PSMG2: variants seen among roughly 807,000 people sequenced by gnomAD.
PSMG2 encodes the protein CD40 ligand-activated specific transcript 3.
In PSMG2, 21 loss-of-function variants were observed where a neutral mutation model predicts 31.5. The ratio of observed to expected loss-of-function variants is 0.67; its 90% CI spans 0.47 to 0.96. PSMG2 has a LOEUF of 0.96. Among genes scored for constraint, PSMG2 ranks in the 40% least tolerant of loss-of-function variants. PSMG2 has a pLI of 0.00. For synonymous variants in PSMG2, 120 were observed against 110.4 expected, an observed-to-expected ratio of 1.09 and a Z score of -0.54; for missense variants, 318 against 321.2, an observed-to-expected ratio of 0.99 and a Z score of 0.08.
chr18:12,710,822 G>A (rs764913712), intron 2 of PSMG2, among the ~76,000 whole-genome samples: 2 of 152,180 alleles, frequency 1.3e-5, no homozygotes, highest in African/African-American at 2.4e-5. Flanking sequence ...TGCATAGGCC[G>A]GGCACGGTGG....
At chr18:12,667,300 T>G (rs2038822437) in intron 1 of PSMG2, among the ~76,000 whole-genome samples, 1 of 151,936 alleles carries the variant, frequency 6.6e-6, no homozygotes, top group East Asian at 1.9e-4. Context: ...ACAAAAAAAT[T>G]TTAAAAGTTA....
intron 3 of PSMG2, 55 bp from the exon 4 acceptor site, chr18:12,718,462 A>G (rs1008374706): frequency 2.0e-6 from 2 of 1,011,544 alleles, no homozygotes; most frequent in Middle Eastern, 2.3e-4. Flanking sequence ...GAATGTTTGT[A>G]TGCTCTAAGA....
chr18:12,695,276 G>A, intron 1 of PSMG2: 1 of 1,545,720 alleles, frequency 6.5e-7, no homozygotes, highest in Non-Finnish European at 8.9e-7. Flanking sequence ...TACTTCTTGA[G>A]ATAACGTTTG....
chr18:12,708,651 G>A (rs928765750), intron 2 of PSMG2, among the ~76,000 whole-genome samples: 11 of 150,610 alleles, frequency 7.3e-5, no homozygotes, highest in African/African-American at 2.2e-4. Flanking sequence ...GGCACAAGCC[G>A]CTGCGCCCAG....
intron 1 of PSMG2, among the ~76,000 whole-genome samples, chr18:12,676,600 T>A (rs1252032153): frequency 1.3e-5 from 2 of 152,096 alleles, no homozygotes; most frequent in African/African-American, 4.8e-5. Flanking sequence ...AAGATATTGC[T>A]TTTATTTGTA....
At chr18:12,702,481 C>CT (rs1193008843), upstream of PSMG2, 2 of 1,605,666 alleles carry the variant, frequency 1.2e-6, no homozygotes, top group Admixed American at 3.4e-5. Context: ...ACCCGCGACT[C>CT]TCACCTTGCT....
Position 12,691,350 on chromosome 18 carries a change from T to C in PSMG2, c.-36-15200T>C, listed in dbSNP as rs373091705. 4 of 1,536,770 alleles carry C rather than the reference T, an allele frequency of 2.6e-6. No homozygotes were observed. In the African/African-American group the frequency reaches 5.6e-5, roughly 21 times the overall value. On this transcript the variant is annotated intron_variant, in intron 1 of 6. Transcript: ENST00000585331. ...CAGGCATAAAATTATTCTAATATAA[T>C]TTACAAACCTGTGCAAAAATCTTAA...
At chr18:12,713,858 T>G (rs2040353681) in intron 3 of PSMG2, among the ~76,000 whole-genome samples, 1 of 152,082 alleles carries the variant, frequency 6.6e-6, no homozygotes, top group Admixed American at 6.6e-5. Context: ...CGTCCTGGGT[T>G]CAAGTGATCC....
At chr18:12,674,873 TA>T (rs2039066978) in intron 1 of PSMG2, 1 of 544,426 alleles carries the variant, frequency 1.8e-6, no homozygotes, top group East Asian at 3.1e-5. Context: ...GCTATCATAA[TA>T]TTTTAATAAT....
intron 1 of PSMG2, among the ~76,000 whole-genome samples, chr18:12,705,574 A>AGTGTGTGTGTGTGT (rs1222721405): frequency 9.6e-5 from 13 of 135,824 alleles, no homozygotes; most frequent in African/African-American, 1.7e-4. Flanking sequence ...AGAGAGAGAG[A>AGTGTGTGTGTGTGT]GAGTGTGTGT....
rs895031266 is a variant in PSMG2 at position 12,690,944 on chromosome 18, C to CA, written c.-36-15606_-36-15605insA. ...AAAATATATATATGCCCAGAGCCCC[C>CA]CCCCGTTCTGCACACAAGAGCTGGA... On this transcript the variant is annotated intron_variant, in intron 1 of 6. Coordinates refer to the PSMG2 transcript ENST00000585331. Among the ~76,000 whole-genome samples, 49 of 151,248 alleles carry CA rather than the reference C, an allele frequency of 3.2e-4. No individual in the cohort carries two copies. In the Middle Eastern group the frequency reaches 0.01, roughly 32 times the overall value.
At chr18:12,677,005 A>G (rs997832369) in intron 1 of PSMG2, among the ~76,000 whole-genome samples, 1 of 152,206 alleles carries the variant, frequency 6.6e-6, no homozygotes, top group African/African-American at 2.4e-5. Flanking sequence ...TATGTGTTAC[A>G]AACAACTTTT....
At chr18:12,690,723 G>A (rs1036696602) in intron 1 of PSMG2, among the ~76,000 whole-genome samples, 1 of 152,082 alleles carries the variant, frequency 6.6e-6, no homozygotes, top group Non-Finnish European at 1.5e-5. Context: ...CCCAAGTGCT[G>A]GGATTACAGG....
At chr18:12,686,682 G>A in intron 1 of PSMG2, 1 of 353,242 alleles carries the variant, frequency 2.8e-6, no homozygotes, top group Non-Finnish European at 5.2e-6. Context: ...ATGCAACAGA[G>A]CCAGGTTCAA....
intron 1 of PSMG2, among the ~76,000 whole-genome samples, chr18:12,665,673 G>A (rs139101765): frequency 5.9e-5 from 9 of 152,234 alleles, no homozygotes; most frequent in African/African-American, 2.2e-4. Flanking sequence ...ATAAGAGAAT[G>A]TTTTAAACAA....
rs115392336 is a variant in PSMG2 at position 12,686,050 on chromosome 18, A to G, written c.-36-20500A>G. 1,669 of 434,220 alleles carry G rather than the reference A, an allele frequency of 3.8e-3. 35 individuals are homozygous for G. Among genetic ancestry groups the G allele is most frequent in the African/African-American group, 0.029 (1,468 of 49,828 alleles). The allele number at this position is 434,220 out of a possible 1,614,324, so 26.9% of individuals were successfully genotyped here. A position where few individuals can be genotyped will look rare whatever the true frequency, so the allele number is the denominator to read the frequency against. ...TGCTACATAAACGTTGTTACACACC[A>G]TTTTTTAATTTGTACTATTTTTTAT... On this transcript the variant is annotated intron_variant, in intron 1 of 6. Coordinates refer to the PSMG2 transcript ENST00000585331.
chr18:12,664,162 T>C (rs1314181039), intron 1 of PSMG2, among the ~76,000 whole-genome samples: 2 of 132,006 alleles, frequency 1.5e-5, no homozygotes, highest in Non-Finnish European at 3.5e-5. Context: ...CGAAACTCCA[T>C]CTCAAAAGAA....
chr18:12,720,741 A>G (rs1357076735), intron 5 of PSMG2, 58 bp downstream of exon 5: 1 of 1,533,800 alleles, frequency 6.5e-7, no homozygotes, highest in African/African-American at 1.4e-5. Flanking sequence ...AAATTAATGC[A>G]GTGAGCTGAG....
intron 3 of PSMG2, among the ~76,000 whole-genome samples, chr18:12,713,767 CTT>C (rs1165889750): frequency 2.7e-5 from 4 of 145,668 alleles, no homozygotes; most frequent in Admixed American, 6.9e-5. Flanking sequence ...TAATTTCTTT[CTT>C]TTTTTTTTTT....
Sources: gnomAD v4.1 joint callset for allele counts (sites outside exome capture counted in the v4.1 genomes callset) on GRCh38, gnomAD v4.1.1 for gene constraint, MANE v1.5 for transcripts, NCBI Gene and HGNC (gene_info 2026-07-23, HGNC 2026-07-21) for gene names.